The following MACROD2 variants were observed in gnomAD, a reference collection of about 807,000 sequenced individuals.
MACROD2 encodes mono-ADP ribosylhydrolase 2.
Under a neutral mutation model 70.4 loss-of-function variants are expected in MACROD2, and 36 were observed. The observed-to-expected ratio is 0.51, with a 90% CI of 0.39 to 0.68. The LOEUF (loss-of-function observed/expected upper bound fraction) is 0.68, where lower values mean the gene tolerates loss of function less well. MACROD2 is among the 30% of genes least tolerant of loss of function. The pLI, the probability that MACROD2 is intolerant of heterozygous loss-of-function variation, is 0.00. For missense variants in MACROD2, 496 were observed against 538.4 expected (o/e 0.92, Z 0.78); for synonymous variants, 172 against 178.8 (o/e 0.96, Z 0.30).
At chr20:15,542,967 T>C (rs1258618630) in intron 8 of MACROD2, among the ~76,000 whole-genome samples, 2 of 152,120 alleles carry the variant, frequency 1.3e-5, no homozygotes, top group African/African-American at 2.4e-5. Flanking sequence ...ACGTGGGAAA[T>C]GAAGAGGTCC....
rs529058983 is a variant in MACROD2, at chr20:14,055,141, G to T, written c.164-30480G>T. Reference sequence around the variant, plus strand: ...TAGTCTTTGTTTTGTGAAACTCCAAGGAAATATTTTCTACACATTTCAGGT... The same window carrying T: ...TAGTCTTTGTTTTGTGAAACTCCAATGAAATATTTTCTACACATTTCAGGT... On this transcript the variant is annotated intron_variant, in intron 2 of 17. Transcript: ENST00000684519. Among the ~76,000 whole-genome samples, 255 of 152,130 alleles carry T rather than the reference G, an allele frequency of 1.7e-3. 1 individual carries two copies. The highest frequency in any genetic ancestry group is 6.1e-3 in the African/African-American group (253 of 41,526).
intron 3 of MACROD2, among the ~76,000 whole-genome samples, chr20:14,300,457 G>A (rs920813444): frequency 1.3e-5 from 2 of 152,096 alleles, no homozygotes; most frequent in Non-Finnish European, 2.9e-5. Context: ...AAAGCTCTTG[G>A]GTTTTTGTTG....
chr20:16,025,528 G>T (rs899863496), intron 15 of MACROD2, among the ~76,000 whole-genome samples: 1 of 152,164 alleles, frequency 6.6e-6, no homozygotes, highest in Non-Finnish European at 1.5e-5. Flanking sequence ...AGCACCCAGG[G>T]GTTCTGGAAG....
At chr20:15,750,519 T>A (rs563651667) in intron 8 of MACROD2, among the ~76,000 whole-genome samples, 127 of 151,508 alleles carry the variant, frequency 8.4e-4, no homozygotes, top group African/African-American at 2.4e-3. Context: ...ATAGCTTGGG[T>A]AAGAGTTCAG....
chr20:15,917,031 T>A (rs1295116588), intron 10 of MACROD2, among the ~76,000 whole-genome samples: 3 of 152,238 alleles, frequency 2.0e-5, no homozygotes, highest in Admixed American at 2.0e-4. Flanking sequence ...CATTCTTAGC[T>A]GGCAGGCTGT....
At chr20:15,925,257 C>T (rs988076899) in intron 10 of MACROD2, among the ~76,000 whole-genome samples, 1 of 152,152 alleles carries the variant, frequency 6.6e-6, no homozygotes, top group African/African-American at 2.4e-5. Flanking sequence ...TTGTTAGTTA[C>T]TTTTAAAAAA....
intron 8 of MACROD2, among the ~76,000 whole-genome samples, chr20:15,837,291 C>T (rs539104683): frequency 3.3e-5 from 5 of 152,202 alleles, no homozygotes; most frequent in African/African-American, 9.6e-5. Flanking sequence ...CTTGGGTAAT[C>T]GGATCTTTTA....
intron 6 of MACROD2, among the ~76,000 whole-genome samples, chr20:15,231,711 A>G (rs1022139260): frequency 1.3e-5 from 2 of 152,062 alleles, no homozygotes; most frequent in Non-Finnish European, 2.9e-5. Flanking sequence ...TAGGTAAGCA[A>G]TGGAAGAATT....
intron 7 of MACROD2, among the ~76,000 whole-genome samples, chr20:15,464,886 G>T (rs565484540): frequency 1.3e-5 from 2 of 152,082 alleles, no homozygotes; most frequent in Non-Finnish European, 2.9e-5. Flanking sequence ...CCAATGCCTC[G>T]AACTGTGAAT....
At chr20:15,513,572 G>T (rs947761837) in intron 8 of MACROD2, among the ~76,000 whole-genome samples, 1 of 152,168 alleles carries the variant, frequency 6.6e-6, no homozygotes, top group Non-Finnish European at 1.5e-5. Flanking sequence ...GCGTGTGTGT[G>T]TGTGCGTGCA....
chr20:15,543,918 A>G (rs1334316842), intron 8 of MACROD2, among the ~76,000 whole-genome samples: 1 of 152,210 alleles, frequency 6.6e-6, no homozygotes, highest in African/African-American at 2.4e-5. Context: ...AAGTCCCCAA[A>G]GCAATCACCC....
chr20:15,302,387 C>CACACACACAAGACAT (rs6147301), intron 6 of MACROD2, among the ~76,000 whole-genome samples: 2 of 150,544 alleles, frequency 1.3e-5, no homozygotes, highest in African/African-American at 2.4e-5. Context: ...CACACATACA[C>CACACACACAAGACAT]ACATACAGAT....
intron 3 of MACROD2, among the ~76,000 whole-genome samples, chr20:14,131,100 A>C (rs2054713491): frequency 6.6e-6 from 1 of 151,888 alleles, no homozygotes; most frequent in African/African-American, 2.4e-5. Flanking sequence ...AATTTTAAAA[A>C]ATTTTTTAGT....
chr20:15,830,844 A>G (rs73097285), intron 8 of MACROD2, among the ~76,000 whole-genome samples: 2 of 152,346 alleles, frequency 1.3e-5, no homozygotes, highest in Non-Finnish European at 2.9e-5. Context: ...TTAAATGACT[A>G]TCATTTATGT....
At chr20:15,204,871 C>T (rs1224406200) in intron 5 of MACROD2, among the ~76,000 whole-genome samples, 1 of 152,036 alleles carries the variant, frequency 6.6e-6, no homozygotes, top group Non-Finnish European at 1.5e-5. Flanking sequence ...GAATCTTCCA[C>T]GCACCCCAAT....
intron 8 of MACROD2, among the ~76,000 whole-genome samples, chr20:15,598,586 G>C (rs2048776335): frequency 6.6e-6 from 1 of 152,186 alleles, no homozygotes; most frequent in South Asian, 2.1e-4. Context: ...CTAAAGACTA[G>C]TCAGTTATCT....
chr20:14,705,365 C>T (rs945807674), intron 5 of MACROD2, among the ~76,000 whole-genome samples: 1 of 152,048 alleles, frequency 6.6e-6, no homozygotes, highest in African/African-American at 2.4e-5. Flanking sequence ...AAAAATAATG[C>T]CCCTCTATGC....
At chr20:14,924,712 CT>C (rs1325867292) in intron 5 of MACROD2, among the ~76,000 whole-genome samples, 1 of 152,070 alleles carries the variant, frequency 6.6e-6, no homozygotes, top group Non-Finnish European at 1.5e-5. Flanking sequence ...GGTGTTGTCT[CT>C]TTATCCTACT....
chr20:14,188,391 C>A (rs1353524651), intron 3 of MACROD2, among the ~76,000 whole-genome samples: 1 of 151,976 alleles, frequency 6.6e-6, no homozygotes, highest in Non-Finnish European at 1.5e-5. Context: ...AACTTAGAAG[C>A]GATGCCATAT....
Sources: gnomAD v4.1 joint callset for allele counts (sites outside exome capture counted in the v4.1 genomes callset) on GRCh38, gnomAD v4.1.1 for gene constraint, MANE v1.5 for transcripts, NCBI Gene and HGNC (gene_info 2026-07-23, HGNC 2026-07-21) for gene names.